The following HCFC1 variants were observed in gnomAD, a reference collection of about 807,000 sequenced individuals.
HCFC1 encodes host cell factor 1.
A neutral mutation model predicts 105.5 loss-of-function variants in HCFC1; 7 were observed. The ratio of observed to expected loss-of-function variants is 0.07; its 90% CI spans 0.04 to 0.12. The LOEUF is 0.12. Ranked by LOEUF, HCFC1 falls within the 10% of genes least tolerant of loss-of-function variation. HCFC1 has a pLI of 1.00. For missense variants in HCFC1, 1,065 were observed against 1,823.6 expected (o/e 0.58, Z 7.58); for synonymous variants, 918 against 828.1 (o/e 1.11, Z -1.86).
chrX:153,964,225 C>T lies in HCFC1; in HGVS notation c.402G>A (p.Pro134=), dbSNP rs2065455383. The T allele has an allele frequency of 1.2e-5, 14 of 1,200,177 alleles. No individual in the cohort carries two copies. The highest frequency in any genetic ancestry group is 1.5e-5 in the Non-Finnish European group (13 of 889,514). The part of the protein sequence containing the change: ...KAKTPKNGPP[P]CPRLGHSFSL... ...AGAAGCTGTGCCCGAGTCGAGGACA[C>T]GGAGGGGGCCCGTTTTTGGGCGTCT... Residue 134 remains proline (P), a synonymous_variant, in exon 3 of 26, where the codon CCG becomes CCA. Transcript: ENST00000310441.
intron 22 of HCFC1, 152 bp from the exon 23 acceptor site, chrX:153,951,150 G>A: frequency 1.5e-6 from 1 of 689,640 alleles, no homozygotes; most frequent in East Asian, 3.2e-5. Flanking sequence ...TGGCGAGGCT[G>A]ACTGTGGCCC....
chrX:153,971,300 G>T lies in HCFC1; in HGVS notation c.-460C>A, dbSNP rs1188009292. ...GCCGGCTTCCGGGGCGGGTGGAAAGGAGCCACAAGCGCCGCGGTCGTCGCA... is the reference window on the plus strand; with the variant it reads ...GCCGGCTTCCGGGGCGGGTGGAAAGTAGCCACAAGCGCCGCGGTCGTCGCA... On this transcript the variant is annotated 5_prime_UTR_variant, in exon 1 of 26. Transcript: ENST00000310441. 1 of 298,565 alleles carries T rather than the reference G, an allele frequency of 3.3e-6. No individual in the cohort carries two copies. The highest frequency in any genetic ancestry group is 5.8e-6 in the Non-Finnish European group (1 of 171,100). The allele number at this position is 298,565 out of a possible 1,213,427, so 24.6% of individuals were successfully genotyped here.
At position 153,955,633 on chromosome X, in the gene HCFC1, G is replaced by T; in HGVS notation, c.2857-91C>A. On this transcript the variant is annotated intron_variant, in intron 16 of 25. Coordinates refer to ENST00000310441, the MANE Select transcript of HCFC1 (RefSeq NM_005334.3). ...CCTGCACTGTCACCACACAGGCTGG[G>T]ACCACTGACCACTTCTCAACGGCCC... 10 of 887,700 alleles carry T rather than the reference G, an allele frequency of 1.1e-5. 1 individual carries two copies. The highest frequency in any genetic ancestry group is 1.6e-5 in the Non-Finnish European group (10 of 644,566). 73.2% of individuals were successfully genotyped at this position (887,700 alleles called of 1,213,427 possible). A position where few individuals can be genotyped will look rare whatever the true frequency, so the allele number is the denominator to read the frequency against.
At chrX:153,964,553 G>C (rs2065458049) in intron 2 of HCFC1, 25 bp downstream of exon 2, 3 of 1,180,387 alleles carry the variant, frequency 2.5e-6, no homozygotes, top group Middle Eastern at 2.4e-4. Flanking sequence ...CAAGGAGGCA[G>C]AGTGAGAACC....
rs782067975 is a variant in HCFC1 at position 153,949,289 on chromosome X, C to T, written c.*58G>A. On this transcript the variant is annotated 3_prime_UTR_variant, in exon 26 of 26. Transcript: ENST00000310441. ...ACGGGGTGGGAGGGGTGGGCCCTGG[C>T]GGGTGTTCCTGAAGCAGGGGGGTCT... The T allele has an allele frequency of 1.9e-5, 20 of 1,050,187 alleles. No individual in the cohort carries two copies. The highest frequency in any genetic ancestry group is 2.4e-5 in the Non-Finnish European group (18 of 758,022). 86.5% of individuals were successfully genotyped at this position (1,050,187 alleles called of 1,213,427 possible).
intron 1 of HCFC1, among the ~76,000 whole-genome samples, chrX:153,965,302 T>C (rs2065463925): frequency 9.0e-6 from 1 of 111,268 alleles, no homozygotes; most frequent in Admixed American, 9.5e-5. Flanking sequence ...CCTATGGTAC[T>C]CCAGAACATT....
chrX:153,950,991 A>C lies in HCFC1; in HGVS notation c.5525T>G (p.Leu1842Trp). ...CTGGTTATAGTCAGGGACGGTGCCC[A>C]AATCATCCTAGGAAAAGAGGAGTGG... ...PDDAVPSDDD[L>W]GTVPDYNQLK... is the part of the protein sequence containing the mutation. Residue 1842 changes from leucine (L) to tryptophan (W), a missense_variant, in exon 23 of 26, where the codon TTG (leucine) becomes TGG (tryptophan). Transcript: ENST00000310441. 8.3e-7 allele frequency: 1 copy of C among 1,209,556 alleles called. No homozygotes were observed. The highest frequency in any genetic ancestry group is 1.1e-6 in the Non-Finnish European group (1 of 894,232).
rs376640734 is a variant in HCFC1, at chrX:153,952,786, G to A, written c.4670C>T (p.Ser1557Leu). The A allele has an allele frequency of 2.9e-5, 35 of 1,205,867 alleles. No individual in the cohort carries two copies. Among genetic ancestry groups the A allele is most frequent in the African/African-American group, 7.0e-5 (4 of 57,533 alleles). The change falls in exon 19 of 26, where the codon TCG (serine) becomes TTG (leucine). Residue 1557 changes from serine (S) to leucine (L), a missense_variant. Physicochemically the swap from Ser to Leu is moderately radical, Grantham distance 145. Around this residue, in one of 17 missense-constraint regions of HCFC1, gnomAD observed 546 missense variants for 599.9 expected, o/e 0.91. Transcript: ENST00000310441. Reference protein sequence around the residue: ...VDLSSTGEPSSGQESAGSAVV... With the variant: ...VDLSSTGEPSLGQESAGSAVV... ...CGCAGAGCCGGCAGACTCCTGGCCC[G>A]AAGATGGCTCCCCTGTGCTGCTCAG...
chrX:153,953,121 G>A (rs1323420031), intron 18 of HCFC1, 163 bp from the exon 19 acceptor site: 5 of 502,038 alleles, frequency 1.0e-5, no homozygotes, highest in African/African-American at 7.0e-5. Flanking sequence ...CTGTCAGAGG[G>A]GAGGAGAGGG....
chrX:153,960,917 G>A (rs1318321138), intron 6 of HCFC1, among the ~76,000 whole-genome samples: 1 of 112,666 alleles, frequency 8.9e-6, no homozygotes, highest in Non-Finnish European at 1.9e-5. Context: ...CACTGGAGGC[G>A]CCTACGTGGG....
chrX:153,966,749 T>C (rs781940961), intron 1 of HCFC1, among the ~76,000 whole-genome samples: 189 of 112,007 alleles, frequency 1.7e-3, no homozygotes, highest in Non-Finnish European at 3.0e-3. Context: ...AAGCAACCGA[T>C]CTGTGCCTTC....
rs782609235 is a variant in HCFC1 at position 153,956,725 on chromosome X, G to A, written c.2535C>T (p.Ile845=). The change falls in exon 15 of 26, where the codon ATC becomes ATT. Residue 845 remains isoleucine (I), a synonymous_variant. Coordinates refer to ENST00000310441, the MANE Select transcript of HCFC1 (RefSeq NM_005334.3). ...CACCCCCCATGGGCACAGTGCGGAGGATGGTGCCTGGCTGTCCCGGGGCCC... is the reference window on the plus strand; with the variant it reads ...CACCCCCCATGGGCACAGTGCGGAGAATGGTGCCTGGCTGTCCCGGGGCCC... ...LKGAPGQPGT[I]LRTVPMGGVR... 5 of 1,211,428 alleles carry A rather than the reference G, an allele frequency of 4.1e-6. No homozygotes were observed. Among genetic ancestry groups the A allele is most frequent in the Non-Finnish European group, 5.6e-6 (5 of 895,413 alleles).
intron 8 of HCFC1, 43 bp downstream of exon 8, chrX:153,959,759 G>A (rs936915180): frequency 1.3e-5 from 15 of 1,145,625 alleles, no homozygotes; most frequent in Middle Eastern, 7.1e-4. Flanking sequence ...TCTCCCCGGA[G>A]GCTAGCCCCC....
chrX:153,970,594 GGGA>G (rs1466311933), intron 1 of HCFC1, 51 bp downstream of exon 1: 7 of 890,589 alleles, frequency 7.9e-6, no homozygotes, highest in Non-Finnish European at 1.1e-5. Flanking sequence ...AGGAGGGAGA[GGGA>G]GGAGATGGAG....
At chrX:153,961,255 C>G (rs921775087) in intron 6 of HCFC1, among the ~76,000 whole-genome samples, 2 of 112,706 alleles carry the variant, frequency 1.8e-5, no homozygotes, top group African/African-American at 6.4e-5. Context: ...ACCCACATGG[C>G]TGCCTCTGAG....
intron 18 of HCFC1, 193 bp from the exon 19 acceptor site, chrX:153,953,151 G>A (rs1363093033): frequency 2.2e-6 from 1 of 464,073 alleles, no homozygotes; most frequent in East Asian, 3.7e-5. Flanking sequence ...AGGCAGCAGG[G>A]CTGAGAAGCA....
At chrX:153,950,118 G>T in intron 24 of HCFC1, 125 bp downstream of exon 24, 1 of 736,346 alleles carries the variant, frequency 1.4e-6, no homozygotes, top group Non-Finnish European at 1.9e-6. Context: ...GGGGCTGTGT[G>T]CGCGCCAAAG....
rs1355795728 is a variant in HCFC1, at chrX:153,971,764, G to A, written c.-924C>T. 4 of 297,080 alleles carry A rather than the reference G, an allele frequency of 1.3e-5. No homozygotes were observed. Among genetic ancestry groups the A allele is most frequent in the African/African-American group, 5.4e-5 (2 of 36,846 alleles). 24.5% of individuals were successfully genotyped at this position (297,080 alleles called of 1,213,427 possible). On this transcript the variant is annotated 5_prime_UTR_variant, in exon 1 of 26. Transcript: ENST00000310441. ...CCGAAGCGGCAACTGTACGGCAGAA[G>A]AAGCGGTAACGGCAGGGCGCTCATG...
chrX:153,955,612 C>T lies in HCFC1; in HGVS notation c.2857-70G>A, dbSNP rs1603295819. 9 of 1,024,157 alleles carry T rather than the reference C, an allele frequency of 8.8e-6. No homozygotes were observed. The South Asian group carries it at 1.6e-4, about 18-fold the overall frequency. The allele number at this position is 1,024,157 out of a possible 1,213,427, so 84.4% of individuals were successfully genotyped here. A position where few individuals can be genotyped will look rare whatever the true frequency, so the allele number is the denominator to read the frequency against. Reference sequence around the variant, plus strand: ...TCTGCCTGTCCCTCCCACTGTCCTGCACTGTCACCACACAGGCTGGGACCA... The same window carrying T: ...TCTGCCTGTCCCTCCCACTGTCCTGTACTGTCACCACACAGGCTGGGACCA... On this transcript the variant is annotated intron_variant, in intron 16 of 25. Coordinates refer to ENST00000310441, the MANE Select transcript of HCFC1 (RefSeq NM_005334.3).
Sources: allele counts gnomAD v4.1 joint callset (sites outside exome capture counted in the v4.1 genomes callset), GRCh38; gene constraint gnomAD v4.1.1; regional missense constraint gnomAD v4.1.1; transcripts MANE v1.5; gene names NCBI Gene and HGNC (gene_info 2026-07-23, HGNC 2026-07-21).